The following PTPRG variants were observed in gnomAD, a reference collection of about 807,000 sequenced individuals.
PTPRG encodes the protein protein tyrosine phosphatase receptor type G, also known as receptor-type tyrosine-protein phosphatase gamma.
A neutral mutation model predicts 165.3 loss-of-function variants in PTPRG; 102 were observed. The ratio of observed to expected loss-of-function variants is 0.62; its 90% CI spans 0.53 to 0.73. The LOEUF (loss-of-function observed/expected upper bound fraction) is 0.73, where lower values mean the gene tolerates loss of function less well. Among genes scored for constraint, PTPRG ranks in the 30% least tolerant of loss-of-function variants. PTPRG has a pLI of 0.00. For missense variants in PTPRG, 1,866 were observed against 1,861.4 expected, an observed-to-expected ratio of 1.00 and a Z score of -0.05; for synonymous variants, 675 against 669.5, an observed-to-expected ratio of 1.01 and a Z score of -0.13.
rs76078436 is a variant in PTPRG at position 61,655,566 on chromosome 3, G to A, written c.85+93194G>A. Among the ~76,000 whole-genome samples the A allele has an allele frequency of 0.021, 3,260 of 152,100 alleles. 357 individuals carry two copies. In the East Asian group the frequency reaches 0.35, roughly 16 times the overall value. On this transcript the variant is annotated intron_variant, in intron 1 of 29. Coordinates refer to ENST00000474889, the MANE Select transcript of PTPRG (RefSeq NM_002841.4). ...GAAGATATGTATCTTCAAGTTACTT[G>A]TACTAATGGGTGGTTGCATATTTTG...
chr3:62,232,612 G>C (rs542007790), intron 14 of PTPRG, among the ~76,000 whole-genome samples: 1 of 152,136 alleles, frequency 6.6e-6, no homozygotes, highest in African/African-American at 2.4e-5. Context: ...TCCAATTTCA[G>C]GTCCTCCCCA....
At chr3:61,636,602 G>A (rs535254623) in intron 1 of PTPRG, among the ~76,000 whole-genome samples, 4 of 152,308 alleles carry the variant, frequency 2.6e-5, no homozygotes, top group African/African-American at 7.2e-5. Flanking sequence ...GATTACAGGC[G>A]TGAGCCACCA....
At chr3:62,164,272 C>T (rs986075410) in intron 7 of PTPRG, among the ~76,000 whole-genome samples, 5 of 152,152 alleles carry the variant, frequency 3.3e-5, no homozygotes, top group African/African-American at 1.2e-4. Flanking sequence ...GGTGTGGGGA[C>T]AGACTGAAGT....
At chr3:61,705,461 C>T (rs1324872331) in intron 1 of PTPRG, among the ~76,000 whole-genome samples, 1 of 151,978 alleles carries the variant, frequency 6.6e-6, no homozygotes. Context: ...TGGAGGCCTG[C>T]TGTAAAGTAG....
intron 2 of PTPRG, among the ~76,000 whole-genome samples, chr3:61,772,552 T>G (rs2034241392): frequency 6.6e-6 from 1 of 152,166 alleles, no homozygotes; most frequent in Non-Finnish European, 1.5e-5. Flanking sequence ...AGATCATGAT[T>G]ATAATCTTTG....
intron 19 of PTPRG, among the ~76,000 whole-genome samples, chr3:62,268,616 TAAG>T (rs1007728509): frequency 2.0e-5 from 3 of 152,144 alleles, no homozygotes; most frequent in African/African-American, 7.2e-5. Flanking sequence ...CAAGTTACAA[TAAG>T]AAGAGTCTCA....
chr3:61,932,559 G>A (rs185174680), intron 2 of PTPRG, among the ~76,000 whole-genome samples: 2 of 152,288 alleles, frequency 1.3e-5, no homozygotes, highest in African/African-American at 2.4e-5. Flanking sequence ...TGTGCAAGGC[G>A]CTGTTTTCAT....
chr3:61,627,257 G>C (rs1489573729), intron 1 of PTPRG, among the ~76,000 whole-genome samples: 1 of 152,178 alleles, frequency 6.6e-6, no homozygotes, highest in African/African-American at 2.4e-5. Context: ...TTAGTTATAG[G>C]GAAATTATGA....
chr3:61,686,865 C>T (rs1291481032), intron 1 of PTPRG, among the ~76,000 whole-genome samples: 1 of 152,110 alleles, frequency 6.6e-6, no homozygotes, highest in Non-Finnish European at 1.5e-5. Flanking sequence ...GGGACACATA[C>T]AGGATTATCT....
chr3:61,984,335 A>G (rs1215834263), intron 2 of PTPRG, among the ~76,000 whole-genome samples: 1 of 152,178 alleles, frequency 6.6e-6, no homozygotes, highest in African/African-American at 2.4e-5. Flanking sequence ...ATAAGCTTAA[A>G]TAATATCACC....
At chr3:61,942,384 C>G (rs1316203885) in intron 2 of PTPRG, among the ~76,000 whole-genome samples, 1 of 152,172 alleles carries the variant, frequency 6.6e-6, no homozygotes, top group Admixed American at 6.5e-5. Flanking sequence ...TCTTCATATA[C>G]CTATTAAATA....
intron 1 of PTPRG, chr3:61,739,086 A>G (rs1329723742): frequency 6.9e-6 from 1 of 144,408 alleles, no homozygotes; most frequent in Admixed American, 7.3e-5. Flanking sequence ...TGGCCTTCCA[A>G]AGTGATGGGA....
At chr3:61,996,663 A>C (rs74508201) in intron 3 of PTPRG, among the ~76,000 whole-genome samples, 1,637 of 152,324 alleles carry the variant, frequency 0.011, 22 homozygotes, top group African/African-American at 0.037. Flanking sequence ...ATGTAAGTTT[A>C]ATTTTTAAAA....
In PTPRG at chr3:61,701,740, T is replaced by TA. The variant is rs368028016; in HGVS notation, c.86-47131dup. Among the ~76,000 whole-genome samples the TA allele has an allele frequency of 3.9e-3, 587 of 152,012 alleles. 9 individuals carry two copies. Among genetic ancestry groups the TA allele is most frequent in the African/African-American group, 0.014 (563 of 41,466 alleles). On this transcript the variant is annotated intron_variant, in intron 1 of 29. Coordinates refer to ENST00000474889, the MANE Select transcript of PTPRG (RefSeq NM_002841.4). The stretch of plus-strand genomic sequence containing the variant: ...GGCGAAACCTCACCTCTACTAAAAA[T>TA]AAAAAAATTATCCAGGTGTCGTGTC...
At chr3:61,572,924 T>C (rs1700091007) in intron 1 of PTPRG, among the ~76,000 whole-genome samples, 1 of 152,256 alleles carries the variant, frequency 6.6e-6, no homozygotes, top group Non-Finnish European at 1.5e-5. Flanking sequence ...TTTGGGGTTT[T>C]GTATTGCCTG....
chr3:61,802,480 G>A (rs1336604337), intron 2 of PTPRG, among the ~76,000 whole-genome samples: 1 of 152,222 alleles, frequency 6.6e-6, no homozygotes, highest in Non-Finnish European at 1.5e-5. Flanking sequence ...ATGTGCTACA[G>A]GGGAAGTGTT....
At chr3:62,074,352 C>CTTTTTTTTTTTTTTTTTT (rs200189646) in intron 4 of PTPRG, among the ~76,000 whole-genome samples, 85 of 109,108 alleles carry the variant, frequency 7.8e-4, no homozygotes, top group Non-Finnish European at 1.2e-3. Flanking sequence ...TCTTTTCTTT[C>CTTTTTTTTTTTTTTTTTT]TTTTTTTTTT....
Position 62,273,091 on chromosome 3 carries a change from A to G in PTPRG, c.3318+10A>G. On this transcript the variant is annotated intron_variant, in intron 22 of 29. Coordinates refer to ENST00000474889, the MANE Select transcript of PTPRG (RefSeq NM_002841.4). This position sits in a 1 kb window ranked among gnomAD's most constrained non-coding sequence, Gnocchi z 4.1. ...CCTCGTCCAGACTGAGGTAAGGAGT[A>G]GCTGCCAGCGTCCTCACGACATTCT... 2.5e-6 allele frequency: 4 copies of G among 1,601,576 alleles called. No homozygotes were observed. Among genetic ancestry groups the G allele is most frequent in the African/African-American group, 1.3e-5 (1 of 74,432 alleles).
At chr3:61,622,200 G>A (rs1042591892) in intron 1 of PTPRG, among the ~76,000 whole-genome samples, 1 of 152,078 alleles carries the variant, frequency 6.6e-6, no homozygotes, top group South Asian at 2.1e-4. Context: ...CCAACACCTC[G>A]CTCAACAGGT....
Sources: allele counts gnomAD v4.1 joint callset (sites outside exome capture counted in the v4.1 genomes callset), GRCh38; gene constraint gnomAD v4.1.1; non-coding constraint Gnocchi (gnomAD v3.1); transcripts MANE v1.5; gene names NCBI Gene and HGNC (gene_info 2026-07-23, HGNC 2026-07-21).